The following KLRF1 variants were observed in gnomAD, a reference collection of about 807,000 sequenced individuals.
KLRF1 encodes killer cell lectin like receptor F1.
In KLRF1, 27 loss-of-function variants were observed where a neutral mutation model predicts 30.7. The ratio of observed to expected loss-of-function variants is 0.88; its 90% confidence interval spans 0.65 to 1.21. The LOEUF is 1.21. Among genes scored for constraint, KLRF1 ranks in the 50% most tolerant of loss-of-function variants. The pLI is 0.00. For missense variants in KLRF1, 246 were observed against 259.3 expected (o/e 0.95, Z 0.35); for synonymous variants, 92 against 89.3 (o/e 1.03, Z -0.17).
chr12:9,809,196 T>G, the KLRF1 span, among the ~76,000 whole-genome samples: 366 of 152,258 alleles, frequency 2.4e-3, 2 homozygotes, highest in Non-Finnish European at 1.3e-3. Flanking sequence ...TATTTGTAGA[T>G]GTATGCAAGA....
chr12:9,834,894 G>C (rs1245654836), intron 3 of KLRF1, among the ~76,000 whole-genome samples: 2 of 152,064 alleles, frequency 1.3e-5, no homozygotes, highest in African/African-American at 4.8e-5. Context: ...CAAGGCCTCG[G>C]TGGTTTTGGA....
At chr12:9,841,976 T>C (rs1484498565) in intron 4 of KLRF1, 25 bp downstream of exon 4, 6 of 1,585,864 alleles carry the variant, frequency 3.8e-6, no homozygotes, top group African/African-American at 1.4e-5. Context: ...ATCAGGGTTA[T>C]GGCATCTTTG....
chr12:9,838,382 A>G (rs1489952299), intron 3 of KLRF1, among the ~76,000 whole-genome samples: 1 of 152,116 alleles, frequency 6.6e-6, no homozygotes, highest in African/African-American at 2.4e-5. Flanking sequence ...AGGGTAAATT[A>G]AAGAGGCAAT....
chr12:9,833,876 T>C lies in KLRF1; in HGVS notation c.334+424T>C, dbSNP rs143097933. On this transcript the variant is annotated intron_variant, in intron 3 of 5. Transcript: ENST00000617889. ...CCAGTCATACAGAATTTTGAAAACA[T>C]TACCTTCTATTTTTAAATGTTTAAC... is the stretch of plus-strand genomic sequence containing the variant. Among the ~76,000 whole-genome samples the C allele has an allele frequency of 5.3e-5, 8 of 151,708 alleles. 1 individual carries two copies. The East Asian group carries it at 1.5e-3, about 29-fold the overall frequency.
the KLRF1 span, among the ~76,000 whole-genome samples, chr12:9,808,373 GC>G: frequency 6.6e-6 from 1 of 151,848 alleles, no homozygotes; most frequent in Non-Finnish European, 1.5e-5. Flanking sequence ...AAATTTACTT[GC>G]TTTTTGATTT....
chr12:9,825,526 A>C (rs755513596), upstream of KLRF1, among the ~76,000 whole-genome samples: 1 of 152,254 alleles, frequency 6.6e-6, no homozygotes, highest in South Asian at 2.1e-4. Flanking sequence ...TGGATAAAAT[A>C]CTTATGTCTA....
chr12:9,829,142 A>G (rs777120724), intron 1 of KLRF1, among the ~76,000 whole-genome samples: 1 of 152,216 alleles, frequency 6.6e-6, no homozygotes, highest in Non-Finnish European at 1.5e-5. Context: ...TGCCAGTGAT[A>G]GTAAGAAATT....
In KLRF1 at chr12:9,842,408, G is replaced by A. The variant is rs1867724100; in HGVS notation, c.562G>A (p.Asp188Asn). ...CTTGAAAATGACATGGACTTGGGTG[G>A]ATGGTTCTCCAATAGATTCAAAGAT... Reference protein sequence around the residue: ...TSLKMTWTWVDGSPIDSKIFF... With the variant: ...TSLKMTWTWVNGSPIDSKIFF... Residue 188 changes from aspartate (D) to asparagine (N), a missense_variant, in exon 5 of 6, where the codon GAT becomes AAT. By Grantham distance (23) the Asp-to-Asn change is conservative. Coordinates refer to ENST00000617889, the MANE Select transcript of KLRF1 (RefSeq NM_016523.3). 1 of 1,612,126 alleles carries A rather than the reference G, an allele frequency of 6.2e-7. No homozygotes were observed. The highest frequency in any genetic ancestry group is 1.3e-5 in the African/African-American group (1 of 74,806).
At position 9,833,901 on chromosome 12, in the gene KLRF1, C is replaced by CTTTTTTTTTTT. The variant is rs35443913; in HGVS notation, c.334+464_334+474dup. Among the ~76,000 whole-genome samples the CTTTTTTTTTTT allele has an allele frequency of 1.4e-3, 116 of 82,396 alleles. 6 individuals carry two copies. Among genetic ancestry groups the CTTTTTTTTTTT allele is most frequent in the African/African-American group, 5.9e-3 (107 of 18,058 alleles). 54.1% of individuals were successfully genotyped at this position (82,396 alleles called of 152,430 possible). On this transcript the variant is annotated intron_variant, in intron 3 of 5. Transcript: ENST00000617889. ...TTACCTTCTATTTTTAAATGTTTAA[C>CTTTTTTTTTTT]TTTTTTTTTTTTTTTTTTTTTTTTT...
At chr12:9,816,098 T>C in the KLRF1 span, among the ~76,000 whole-genome samples, 1 of 152,320 alleles carries the variant, frequency 6.6e-6, no homozygotes, top group South Asian at 2.1e-4. Context: ...GATTAAACTG[T>C]GAGCCACTGC....
intron 3 of KLRF1, among the ~76,000 whole-genome samples, chr12:9,839,734 T>G (rs1297118318): frequency 6.6e-6 from 1 of 152,100 alleles, no homozygotes; most frequent in African/African-American, 2.4e-5. Context: ...TTGGTGAGGA[T>G]GTGGAGAAAT....
At chr12:9,830,729 A>G (rs1460675259) in intron 1 of KLRF1, among the ~76,000 whole-genome samples, 2 of 151,924 alleles carry the variant, frequency 1.3e-5, no homozygotes, top group East Asian at 1.9e-4. Context: ...GAATAAACCA[A>G]TCATGGTTAT....
chr12:9,825,547 A>G (rs1297797352), upstream of KLRF1, among the ~76,000 whole-genome samples: 1 of 152,110 alleles, frequency 6.6e-6, no homozygotes, highest in East Asian at 1.9e-4. Context: ...AAACCCCAAA[A>G]TATAAAAAAC....
chr12:9,812,572 G>A, the KLRF1 span, among the ~76,000 whole-genome samples: 1 of 152,036 alleles, frequency 6.6e-6, no homozygotes, highest in Non-Finnish European at 1.5e-5. Flanking sequence ...ATTATGGGAA[G>A]GAAAACTTAT....
chr12:9,813,145 A>T, the KLRF1 span, among the ~76,000 whole-genome samples: 21 of 151,350 alleles, frequency 1.4e-4, no homozygotes, highest in African/African-American at 4.4e-4. Context: ...TTATTTTTTT[A>T]ATTAATTAAT....
intron 5 of KLRF1, among the ~76,000 whole-genome samples, chr12:9,843,748 AT>A (rs1867753504): frequency 6.6e-6 from 1 of 152,104 alleles, no homozygotes; most frequent in African/African-American, 2.4e-5. Context: ...GACAAAGTGT[AT>A]TTTCTAATAT....
upstream of KLRF1, among the ~76,000 whole-genome samples, chr12:9,824,653 T>C (rs893254633): frequency 5.3e-5 from 8 of 152,132 alleles, no homozygotes; most frequent in African/African-American, 1.7e-4. Flanking sequence ...GGCATCCAAA[T>C]AGGAAGAGAG....
chr12:9,833,569 C>G (rs1867497129), intron 3 of KLRF1, 117 bp downstream of exon 3: 6 of 863,006 alleles, frequency 7.0e-6, no homozygotes, highest in Non-Finnish European at 9.6e-6. Context: ...TGGTATAAGT[C>G]TACTTTTCAT....
chr12:9,831,832 G>GT (rs1395849355), intron 1 of KLRF1, among the ~76,000 whole-genome samples: 2 of 152,052 alleles, frequency 1.3e-5, no homozygotes, highest in South Asian at 2.1e-4. Flanking sequence ...GGATTTTAGG[G>GT]TTTTTTTGAT....
Sources: gnomAD v4.1 joint callset for allele counts (sites outside exome capture counted in the v4.1 genomes callset) on GRCh38, gnomAD v4.1.1 for gene constraint, MANE v1.5 for transcripts, NCBI Gene and HGNC (gene_info 2026-07-23, HGNC 2026-07-21) for gene names.